TNR: variants seen among roughly 807,000 people sequenced by gnomAD.
TNR encodes tenascin-R.
Under a neutral mutation model 150.4 loss-of-function variants are expected in TNR, and 45 were observed. The observed-to-expected ratio is 0.30, with a 90% confidence interval of 0.24 to 0.38. The LOEUF is 0.38. Among genes scored for constraint, TNR ranks in the 10% least tolerant of loss-of-function variants. The pLI is 1.00. For missense variants in TNR, 1,544 were observed against 1,759.1 expected, an observed-to-expected ratio of 0.88 and a Z score of 2.19; for synonymous variants, 687 against 678.4, an observed-to-expected ratio of 1.01 and a Z score of -0.20.
chr1:175,645,682 T>G (rs1353438847), intron 1 of TNR, among the ~76,000 whole-genome samples: 4 of 152,208 alleles, frequency 2.6e-5, no homozygotes, highest in African/African-American at 9.7e-5. Flanking sequence ...GGAATGAAGT[T>G]AATATGGTCC....
At chr1:175,723,784 T>C (rs906495438) in intron 1 of TNR, among the ~76,000 whole-genome samples, 2 of 152,128 alleles carry the variant, frequency 1.3e-5, no homozygotes, top group African/African-American at 2.4e-5. Context: ...AGGCTGAGAA[T>C]CACTTGAACC....
intron 2 of TNR, among the ~76,000 whole-genome samples, chr1:175,484,004 C>T (rs899799213): frequency 2.0e-5 from 3 of 152,186 alleles, no homozygotes; most frequent in Non-Finnish European, 2.9e-5. Context: ...CATATGCCCC[C>T]GCTGCACTGT....
chr1:175,329,160 C>T (rs1184031063), intron 21 of TNR, among the ~76,000 whole-genome samples: 1 of 152,176 alleles, frequency 6.6e-6, no homozygotes, highest in Admixed American at 6.5e-5. Context: ...AGGACAACAC[C>T]TTAATGCTCT....
chr1:175,578,952 TC>T (rs1217353767), intron 1 of TNR, among the ~76,000 whole-genome samples: 1 of 152,144 alleles, frequency 6.6e-6, no homozygotes, highest in Non-Finnish European at 1.5e-5. Context: ...AGGCCCTGTC[TC>T]AACTCACCAA....
chr1:175,701,806 G>A (rs886365285), intron 1 of TNR, among the ~76,000 whole-genome samples: 1 of 152,194 alleles, frequency 6.6e-6, no homozygotes, highest in Non-Finnish European at 1.5e-5. Context: ...CAGCCTCTGG[G>A]CCCCAGCCAG....
At chr1:175,639,568 GTGTTGGGGCTC>G (rs1664589599) in intron 1 of TNR, among the ~76,000 whole-genome samples, 1 of 152,136 alleles carries the variant, frequency 6.6e-6, no homozygotes, top group Non-Finnish European at 1.5e-5. Flanking sequence ...CCACTTCTGA[GTGTTGGGGCTC>G]TGACACCTTG....
chr1:175,695,795 T>C (rs1040320263), intron 1 of TNR, among the ~76,000 whole-genome samples: 5 of 152,266 alleles, frequency 3.3e-5, no homozygotes, highest in Non-Finnish European at 7.3e-5. Flanking sequence ...AAGTTCATTA[T>C]TATTTGTTCA....
chr1:175,566,644 C>T (rs1208061717), intron 1 of TNR, among the ~76,000 whole-genome samples: 1 of 152,238 alleles, frequency 6.6e-6, no homozygotes, highest in Non-Finnish European at 1.5e-5. Flanking sequence ...AGAAACATGA[C>T]TCCTACAGTC....
intron 1 of TNR, among the ~76,000 whole-genome samples, chr1:175,605,184 C>T (rs774208051): frequency 7.2e-5 from 11 of 152,204 alleles, no homozygotes; most frequent in Non-Finnish European, 1.3e-4. Flanking sequence ...AAACCATAGA[C>T]TTTGGAGTCA....
At chr1:175,610,431 T>C (rs1166670796) in intron 1 of TNR, among the ~76,000 whole-genome samples, 1 of 152,236 alleles carries the variant, frequency 6.6e-6, no homozygotes, top group African/African-American at 2.4e-5. Flanking sequence ...TCCTGGCCAA[T>C]TGAAACAAAA....
At chr1:175,709,911 A>T (rs1666956778) in intron 1 of TNR, among the ~76,000 whole-genome samples, 1 of 151,986 alleles carries the variant, frequency 6.6e-6, no homozygotes, top group African/African-American at 2.4e-5. Flanking sequence ...ACATTGCTGA[A>T]ACTCACTCTA....
At chr1:175,697,009 T>G (rs1312145302) in intron 1 of TNR, among the ~76,000 whole-genome samples, 1 of 151,998 alleles carries the variant, frequency 6.6e-6, no homozygotes, top group South Asian at 2.1e-4. Context: ...TTGTGTTATT[T>G]GTGAGTGTAG....
chr1:175,650,781 T>A (rs1157587868), intron 1 of TNR, among the ~76,000 whole-genome samples: 17 of 67,946 alleles, frequency 2.5e-4, no homozygotes, highest in East Asian at 8.6e-4. Context: ...CCGACCTCAT[T>A]ACTCCTCCTC....
chr1:175,415,820 A>C (rs190379174), intron 2 of TNR, among the ~76,000 whole-genome samples: 167 of 152,330 alleles, frequency 1.1e-3, no homozygotes, highest in African/African-American at 3.9e-3. Flanking sequence ...CCAGCGGAGT[A>C]ATGAAAATAT....
In TNR at chr1:175,323,159, T is replaced by C; in HGVS notation, c.*198A>G. 1 of 590,720 alleles carries C rather than the reference T, an allele frequency of 1.7e-6. No homozygotes were observed. The highest frequency in any genetic ancestry group is 3.5e-5 in the Admixed American group (1 of 28,222). The allele number at this position is 590,720 out of a possible 1,614,324, so 36.6% of individuals were successfully genotyped here. Reference sequence around the variant, plus strand: ...GAGGAGGCCTGGGTAGGAGGGAGAATGGAGACTGAGGGTCAGGCTCCAGGG... The same window carrying C: ...GAGGAGGCCTGGGTAGGAGGGAGAACGGAGACTGAGGGTCAGGCTCCAGGG... On this transcript the variant is annotated 3_prime_UTR_variant, in exon 23 of 23. Coordinates refer to ENST00000367674, the MANE Select transcript of TNR (RefSeq NM_003285.3).
intron 2 of TNR, among the ~76,000 whole-genome samples, chr1:175,449,980 G>A (rs964705260): frequency 1.3e-5 from 2 of 152,144 alleles, no homozygotes; most frequent in Non-Finnish European, 2.9e-5. Flanking sequence ...TCATCCTGTA[G>A]TGCAGGCTCA....
intron 2 of TNR, among the ~76,000 whole-genome samples, chr1:175,496,477 T>C (rs1658492563): frequency 1.3e-5 from 2 of 152,318 alleles, no homozygotes; most frequent in Admixed American, 1.3e-4. Flanking sequence ...TGCAGAAGCA[T>C]CTCTGGCACT....
chr1:175,446,905 T>A (rs1033455208), intron 2 of TNR, among the ~76,000 whole-genome samples: 4 of 152,152 alleles, frequency 2.6e-5, no homozygotes, highest in African/African-American at 9.7e-5. Context: ...TCATATGTAA[T>A]GGGCATGCAT....
intron 20 of TNR, among the ~76,000 whole-genome samples, chr1:175,334,108 G>T (rs1044821085): frequency 6.6e-6 from 1 of 152,070 alleles, no homozygotes; most frequent in Non-Finnish European, 1.5e-5. Context: ...TTTACAAAGG[G>T]GATTAGCCAT....
Sources: allele counts gnomAD v4.1 joint callset (sites outside exome capture counted in the v4.1 genomes callset), GRCh38; gene constraint gnomAD v4.1.1; transcripts MANE v1.5; gene names NCBI Gene and HGNC (gene_info 2026-07-23, HGNC 2026-07-21).